CD160: variants seen among roughly 807,000 people sequenced by gnomAD.
CD160 encodes the protein CD160 molecule, also known as CD160 antigen.
CD160 carries 11 observed loss-of-function variants against 19.2 expected under a neutral mutation model. The observed-to-expected ratio is 0.57, with a 90% CI of 0.36 to 0.95. The LOEUF (loss-of-function observed/expected upper bound fraction) is 0.95, where lower values mean the gene tolerates loss of function less well. CD160 is among the 40% of genes least tolerant of loss of function. CD160 has a pLI of 0.01. For synonymous variants in CD160, 75 were observed against 81.1 expected, an observed-to-expected ratio of 0.93 and a Z score of 0.40; for missense variants, 182 against 213.2, an observed-to-expected ratio of 0.85 and a Z score of 0.91.
At chr1:145,731,106 G>T (rs1553709184) in intron 4 of CD160, 36 bp downstream of exon 4, 1 of 1,536,452 alleles carries the variant, frequency 6.5e-7, no homozygotes, top group South Asian at 1.2e-5. Context: ...CACCAGGTGG[G>T]ACAGTGAGCA....
chr1:145,728,505 T>A, intron 3 of CD160, 105 bp downstream of exon 3: 1 of 324,524 alleles, frequency 3.1e-6, no homozygotes, highest in Non-Finnish European at 5.3e-6. Context: ...AGGACTCTTT[T>A]TTTTTTTTTT....
chr1:145,731,967 TGTGAGGCAGCAAG>T (rs1553709467), intron 4 of CD160, among the ~76,000 whole-genome samples: 2 of 152,200 alleles, frequency 1.3e-5, no homozygotes, highest in African/African-American at 4.8e-5. Context: ...CGTTTCAAAC[TGTGAGGCAGCAAG>T]GCCTCTGGCT....
intron 5 of CD160, chr1:145,736,788 T>C (rs1466715583): frequency 6.5e-6 from 1 of 154,690 alleles, no homozygotes; most frequent in Non-Finnish European, 1.4e-5. Flanking sequence ...GTAAGCTCTA[T>C]ATATATGTAA....
intron 2 of CD160, among the ~76,000 whole-genome samples, chr1:145,727,715 G>A (rs1657108028): frequency 6.6e-6 from 1 of 152,174 alleles, no homozygotes; most frequent in African/African-American, 2.4e-5. Flanking sequence ...GTTAAGAAAT[G>A]TGAAGAATAT....
At chr1:145,734,660 T>C (rs1016007340) in intron 4 of CD160, among the ~76,000 whole-genome samples, 20 of 152,222 alleles carry the variant, frequency 1.3e-4, no homozygotes, top group Admixed American at 1.2e-3. Flanking sequence ...TCTCCTAATA[T>C]ATTGTTTTAG....
At chr1:145,727,341 A>G (rs1392841005) in intron 2 of CD160, among the ~76,000 whole-genome samples, 6 of 44,264 alleles carry the variant, frequency 1.4e-4, no homozygotes, top group African/African-American at 7.4e-4. Flanking sequence ...GAAACTTATT[A>G]AACCATTTTC....
At chr1:145,737,269 AAAAG>A (rs1167096886) in intron 5 of CD160, 2 of 152,084 alleles carry the variant, frequency 1.3e-5, no homozygotes, top group African/African-American at 4.8e-5. Flanking sequence ...AAAAAAAAAA[AAAAG>A]AGTTAATTGT....
In CD160 at chr1:145,736,388, G is replaced by A. The variant is rs1050803057; in HGVS notation, c.538+254G>A. On this transcript the variant is annotated intron_variant, in intron 5 of 5. Coordinates refer to ENST00000369288, the MANE Select transcript of CD160 (RefSeq NM_007053.4). The stretch of plus-strand genomic sequence containing the variant: ...TCATTAGGAATGAAGGCCTGTGAGA[G>A]AGGCAAGTTAGTACAACTACCTCTA... 6 of 978,922 alleles carry A rather than the reference G, an allele frequency of 6.1e-6. No individual in the cohort carries two copies. The African/African-American group carries it at 9.8e-5, about 16-fold the overall frequency. The allele number at this position is 978,922 out of a possible 1,614,324, so 60.6% of individuals were successfully genotyped here.
chr1:145,721,136 G>T (rs782074695), intron 1 of CD160, among the ~76,000 whole-genome samples: 6 of 152,138 alleles, frequency 3.9e-5, no homozygotes, highest in Non-Finnish European at 7.4e-5. Flanking sequence ...CTCTGTTGAG[G>T]GCCAGGTGCC....
chr1:145,729,318 C>A (rs1406769439), intron 3 of CD160, among the ~76,000 whole-genome samples: 1 of 152,028 alleles, frequency 6.6e-6, no homozygotes. Flanking sequence ...ACTATGTATA[C>A]CAAGGGGAGT....
chr1:145,734,990 C>T (rs1336450856), intron 4 of CD160, among the ~76,000 whole-genome samples: 2 of 151,984 alleles, frequency 1.3e-5, no homozygotes, highest in Admixed American at 1.3e-4. Context: ...ACCTGTAATC[C>T]CAGCTACTTG....
chr1:145,737,221 A>AG (rs1279922120), intron 5 of CD160: 2 of 151,534 alleles, frequency 1.3e-5, no homozygotes, highest in African/African-American at 4.9e-5. Context: ...ACTGTACTCC[A>AG]GCCTGGGTGA....
At chr1:145,734,309 T>C (rs1553709811) in intron 4 of CD160, among the ~76,000 whole-genome samples, 1 of 152,146 alleles carries the variant, frequency 6.6e-6, no homozygotes, top group African/African-American at 2.4e-5. Flanking sequence ...TGCCTAATGG[T>C]CCAGCAACTC....
At chr1:145,725,902 C>T (rs1471363179) in intron 2 of CD160, among the ~76,000 whole-genome samples, 2 of 151,696 alleles carry the variant, frequency 1.3e-5, no homozygotes, top group Admixed American at 6.6e-5. Context: ...GATTGCATAA[C>T]TGGAAAATCC....
chr1:145,725,279 G>A (rs1019140807), intron 2 of CD160, among the ~76,000 whole-genome samples: 5 of 151,750 alleles, frequency 3.3e-5, no homozygotes, highest in African/African-American at 7.3e-5. Context: ...TTAGCCGAGC[G>A]CAGTGGCAGG....
chr1:145,734,404 C>T (rs1657405818), intron 4 of CD160, among the ~76,000 whole-genome samples: 1 of 152,208 alleles, frequency 6.6e-6, no homozygotes, highest in Non-Finnish European at 1.5e-5. Context: ...TGCCACATCA[C>T]TCAAAGTTTT....
At chr1:145,728,218 T>A (rs1657128746) in intron 2 of CD160, 38 bp from the exon 3 acceptor site, 2 of 744,172 alleles carry the variant, frequency 2.7e-6, no homozygotes, top group Non-Finnish European at 4.7e-6. Context: ...CTTGGAACCC[T>A]GGAAGGCTTT....
intron 1 of CD160, among the ~76,000 whole-genome samples, chr1:145,721,798 A>G (rs1003864628): frequency 3.9e-5 from 6 of 152,168 alleles, no homozygotes; most frequent in Non-Finnish European, 8.8e-5. Flanking sequence ...ACAAACAACT[A>G]TGAAGGCCTA....
chr1:145,728,482 A>G, intron 3 of CD160, 82 bp downstream of exon 3: 2 of 698,378 alleles, frequency 2.9e-6, no homozygotes, highest in South Asian at 1.6e-5. Flanking sequence ...GATTTTCTCT[A>G]GTGGGGAAAC....
Sources: gnomAD v4.1 joint callset for allele counts (sites outside exome capture counted in the v4.1 genomes callset) on GRCh38, gnomAD v4.1.1 for gene constraint, MANE v1.5 for transcripts, NCBI Gene and HGNC (gene_info 2026-07-23, HGNC 2026-07-21) for gene names.